Variants in XKR9 observed in about 807,000 individuals in gnomAD.
The protein encoded by XKR9 is XK-related protein 9.
A neutral mutation model predicts 32.0 loss-of-function variants in XKR9; 32 were observed. The observed-to-expected ratio is 1.00, with a 90% CI of 0.76 to 1.34. The LOEUF is 1.34. Among genes scored for constraint, XKR9 ranks in the 40% most tolerant of loss-of-function variants. The pLI, the probability that XKR9 is intolerant of heterozygous loss-of-function variation, is 0.00. For synonymous variants in XKR9, 168 were observed against 143.4 expected, an observed-to-expected ratio of 1.17 and a Z score of -1.22; for missense variants, 546 against 429.7, an observed-to-expected ratio of 1.27 and a Z score of -2.39.
At chr8:71,023,727 C>G in the XKR9 span, among the ~76,000 whole-genome samples, 86 of 152,190 alleles carry the variant, frequency 5.7e-4, no homozygotes, top group African/African-American at 2.0e-3. Flanking sequence ...CCAGGTGGCA[C>G]TTGCTGGTGT....
At chr8:70,995,795 G>C in the XKR9 span, among the ~76,000 whole-genome samples, 1 of 152,024 alleles carries the variant, frequency 6.6e-6, no homozygotes, top group Non-Finnish European at 1.5e-5. Context: ...CCTACTTCTA[G>C]GCCTTATTCT....
At chr8:70,937,726 A>G in the XKR9 span, among the ~76,000 whole-genome samples, 532 of 152,182 alleles carry the variant, frequency 3.5e-3, 4 homozygotes, top group African/African-American at 0.012. Context: ...AATGAATACC[A>G]TAAAGTTAAT....
the XKR9 span, among the ~76,000 whole-genome samples, chr8:70,978,644 C>G: frequency 3.9e-5 from 6 of 152,148 alleles, no homozygotes; most frequent in African/African-American, 1.4e-4. Flanking sequence ...GTAACCTGCC[C>G]TTTCTCTCTG....
the XKR9 span, among the ~76,000 whole-genome samples, chr8:70,815,271 G>C: frequency 6.6e-6 from 1 of 152,036 alleles, no homozygotes; most frequent in Non-Finnish European, 1.5e-5. Context: ...CACCACCAAC[G>C]TATTAAGCCT....
the XKR9 span, among the ~76,000 whole-genome samples, chr8:70,816,080 A>G: frequency 1.3e-5 from 2 of 152,164 alleles, no homozygotes; most frequent in African/African-American, 4.8e-5. Context: ...AGCTTGTGCC[A>G]TTGCACTCCA....
At chr8:70,772,621 A>G (rs1484144251) in intron 2 of XKR9, among the ~76,000 whole-genome samples, 1 of 152,190 alleles carries the variant, frequency 6.6e-6, no homozygotes, top group Non-Finnish European at 1.5e-5. Flanking sequence ...TTTCATTTTG[A>G]TGCATTGTAG....
the XKR9 span, among the ~76,000 whole-genome samples, chr8:71,051,808 A>T: frequency 6.6e-6 from 1 of 152,358 alleles, no homozygotes; most frequent in South Asian, 2.1e-4. Flanking sequence ...ATTGAATAGT[A>T]TGGATTTCTT....
At chr8:70,924,665 T>C in the XKR9 span, among the ~76,000 whole-genome samples, 7 of 152,186 alleles carry the variant, frequency 4.6e-5, no homozygotes, top group Non-Finnish European at 2.9e-5. Context: ...TTTCAGACTG[T>C]GGAAAAGTTT....
chr8:70,952,598 A>T, the XKR9 span, among the ~76,000 whole-genome samples: 3 of 152,320 alleles, frequency 2.0e-5, no homozygotes, highest in African/African-American at 7.2e-5. Context: ...AGAGGCATTG[A>T]AAGGAGCATG....
At chr8:70,816,869 A>T in the XKR9 span, among the ~76,000 whole-genome samples, 1 of 152,168 alleles carries the variant, frequency 6.6e-6, no homozygotes, top group Non-Finnish European at 1.5e-5. Context: ...TAAAAACAAC[A>T]ACCATATGAT....
chr8:70,792,968 C>T (rs967155091), downstream of XKR9, among the ~76,000 whole-genome samples: 2 of 152,036 alleles, frequency 1.3e-5, no homozygotes, highest in Non-Finnish European at 2.9e-5. Flanking sequence ...TTTCAGGCCA[C>T]CTAATTTTTA....
intron 2 of XKR9, among the ~76,000 whole-genome samples, chr8:70,756,665 A>T (rs1384279646): frequency 6.6e-6 from 1 of 152,170 alleles, no homozygotes; most frequent in African/African-American, 2.4e-5. Flanking sequence ...TGGATTGCTC[A>T]TTGCAAATGT....
intron 2 of XKR9, among the ~76,000 whole-genome samples, chr8:70,778,980 A>G (rs1348137570): frequency 6.6e-6 from 1 of 152,144 alleles, no homozygotes; most frequent in African/African-American, 2.4e-5. Context: ...AACTTCCAAC[A>G]CTATGTTGAA....
chr8:71,014,926 G>A, the XKR9 span, among the ~76,000 whole-genome samples: 7 of 152,124 alleles, frequency 4.6e-5, no homozygotes, highest in African/African-American at 1.7e-4. Flanking sequence ...TTGCCGATAG[G>A]TCTCTCCTTT....
chr8:70,683,643 A>G, intron 3 of XKR9: 1 of 393,746 alleles, frequency 2.5e-6, no homozygotes, highest in Non-Finnish European at 5.1e-6. Flanking sequence ...ATGTGCCATG[A>G]CACTTGGTTA....
the XKR9 span, among the ~76,000 whole-genome samples, chr8:70,829,610 G>A: frequency 3.3e-5 from 5 of 152,036 alleles, no homozygotes; most frequent in South Asian, 2.1e-4. Context: ...TACCACACCC[G>A]GTTAATTTTT....
chr8:70,942,894 A>G, the XKR9 span, among the ~76,000 whole-genome samples: 1,468 of 152,148 alleles, frequency 9.6e-3, 22 homozygotes, highest in African/African-American at 0.034. Flanking sequence ...TTTTTCTATT[A>G]TGTCTTCATT....
intron 2 of XKR9, among the ~76,000 whole-genome samples, chr8:70,768,752 CTTTT>C (rs34429338): frequency 6.9e-6 from 1 of 144,144 alleles, no homozygotes; most frequent in Non-Finnish European, 1.5e-5. Flanking sequence ...GAAACCCCTG[CTTTT>C]TTTTTTTTTT....
chr8:70,937,976 C>T, the XKR9 span, among the ~76,000 whole-genome samples: 1 of 152,002 alleles, frequency 6.6e-6, no homozygotes, highest in Non-Finnish European at 1.5e-5. Flanking sequence ...GGTTAGACCA[C>T]AGAGGGATGG....
Sources: allele counts gnomAD v4.1 joint callset (sites outside exome capture counted in the v4.1 genomes callset), GRCh38; gene constraint gnomAD v4.1.1; transcripts MANE v1.5; gene names NCBI Gene and HGNC (gene_info 2026-07-23, HGNC 2026-07-21).